Variants in ADGRL2 observed in about 807,000 individuals in gnomAD.
The protein encoded by ADGRL2 is adhesion G protein-coupled receptor L2, also known as calcium-independent alpha-latrotoxin receptor 2.
A neutral mutation model predicts 157.4 loss-of-function variants in ADGRL2; 44 were observed. That is an observed-to-expected ratio of 0.28 (90% CI 0.22 to 0.36). ADGRL2 has a LOEUF of 0.36. Among genes scored for constraint, ADGRL2 ranks in the 10% least tolerant of loss-of-function variants. ADGRL2 has a pLI of 1.00. For synonymous variants in ADGRL2, 585 were observed against 624.7 expected, an observed-to-expected ratio of 0.94 and a Z score of 0.95; for missense variants, 1,510 against 1,768.9, an observed-to-expected ratio of 0.85 and a Z score of 2.63.
chr1:81,330,680 ATACT>A (rs1164024558), intron 1 of ADGRL2, among the ~76,000 whole-genome samples: 1 of 152,178 alleles, frequency 6.6e-6, no homozygotes, highest in Non-Finnish European at 1.5e-5. Flanking sequence ...AACACATGGC[ATACT>A]TAATCACCAT....
chr1:81,356,825 A>T (rs112597439), intron 1 of ADGRL2, among the ~76,000 whole-genome samples: 2 of 151,382 alleles, frequency 1.3e-5, no homozygotes, highest in African/African-American at 2.4e-5. Flanking sequence ...TGGTGGTGGG[A>T]GCCTGTAGTC....
At chr1:81,334,058 C>T (rs1446930528) in intron 1 of ADGRL2, among the ~76,000 whole-genome samples, 2 of 152,190 alleles carry the variant, frequency 1.3e-5, no homozygotes, top group Non-Finnish European at 1.5e-5. Flanking sequence ...AGAAATAAAA[C>T]AAATAATCCA....
intron 1 of ADGRL2, among the ~76,000 whole-genome samples, chr1:81,803,421 T>TC (rs2088612412): frequency 6.6e-6 from 1 of 151,880 alleles, no homozygotes; most frequent in Non-Finnish European, 1.5e-5. Context: ...TGTCGCTGAG[T>TC]GGAGGCTTTT....
chr1:81,630,065 T>C (rs1416197932), intron 3 of ADGRL2, among the ~76,000 whole-genome samples: 1 of 152,040 alleles, frequency 6.6e-6, no homozygotes, highest in Non-Finnish European at 1.5e-5. Flanking sequence ...CACATAGACA[T>C]ATATAATACA....
At chr1:81,461,868 A>T (rs2077935611) in intron 2 of ADGRL2, among the ~76,000 whole-genome samples, 1 of 148,776 alleles carries the variant, frequency 6.7e-6, no homozygotes, top group East Asian at 2.1e-4. Context: ...GCCAGTAGGC[A>T]AGAATTCTTC....
intron 1 of ADGRL2, among the ~76,000 whole-genome samples, chr1:81,322,074 T>C (rs1660539968): frequency 8.9e-6 from 1 of 112,082 alleles, no homozygotes; most frequent in African/African-American, 3.2e-5. Flanking sequence ...TCCTTAAATG[T>C]ACAGGACTAA....
intron 2 of ADGRL2, 53 bp downstream of exon 2, chr1:81,837,110 C>T (rs913257028): frequency 6.1e-6 from 6 of 981,132 alleles, no homozygotes; most frequent in African/African-American, 1.7e-5. Context: ...TTGAACTATA[C>T]AATCTTCTTA....
chr1:81,475,787 A>G (rs866017356), intron 2 of ADGRL2, among the ~76,000 whole-genome samples: 11 of 152,170 alleles, frequency 7.2e-5, no homozygotes, highest in Admixed American at 2.0e-4. Context: ...ATTGCTGACA[A>G]CTCAAGTGTC....
intron 1 of ADGRL2, among the ~76,000 whole-genome samples, chr1:81,366,550 T>C (rs11163262): frequency 0.51 from 77,425 of 151,966 alleles, 21,753 homozygotes; most frequent in East Asian, 0.72. Context: ...CCCAGGATCA[T>C]ATACTCCTTA....
chr1:81,498,107 A>G (rs1483153626), intron 2 of ADGRL2, among the ~76,000 whole-genome samples: 1 of 152,206 alleles, frequency 6.6e-6, no homozygotes, highest in African/African-American at 2.4e-5. Context: ...ACTGTGAAGG[A>G]CTATTCCATT....
intron 2 of ADGRL2, among the ~76,000 whole-genome samples, chr1:81,527,255 A>C (rs2079481287): frequency 6.6e-6 from 1 of 152,140 alleles, no homozygotes; most frequent in African/African-American, 2.4e-5. Context: ...AGTTTCCCTC[A>C]TCACAAAGTG....
chr1:81,345,292 G>A (rs1662397982), intron 1 of ADGRL2, among the ~76,000 whole-genome samples: 1 of 152,150 alleles, frequency 6.6e-6, no homozygotes, highest in Non-Finnish European at 1.5e-5. Context: ...TCCAAGCCTA[G>A]GCTGCATTCT....
intron 11 of ADGRL2, 96 bp from the exon 12 acceptor site, chr1:81,965,962 G>C: frequency 7.9e-7 from 1 of 1,263,594 alleles, no homozygotes; most frequent in Non-Finnish European, 1.1e-6. Context: ...TAGGCAAAAA[G>C]AAAACAGTAG....
intron 1 of ADGRL2, among the ~76,000 whole-genome samples, chr1:81,363,420 A>G (rs1160070117): frequency 6.6e-6 from 1 of 152,100 alleles, no homozygotes; most frequent in East Asian, 1.9e-4. Flanking sequence ...AAAGTTTGAC[A>G]ATTAAAAAAA....
intron 2 of ADGRL2, among the ~76,000 whole-genome samples, chr1:81,447,656 G>A (rs943412383): frequency 6.6e-6 from 1 of 152,058 alleles, no homozygotes; most frequent in Non-Finnish European, 1.5e-5. Flanking sequence ...GGACCTCAAA[G>A]AAAAAGGCTG....
At chr1:81,715,032 A>G (rs1048607110) in intron 1 of ADGRL2, among the ~76,000 whole-genome samples, 4 of 151,442 alleles carry the variant, frequency 2.6e-5, no homozygotes, top group African/African-American at 7.3e-5. Context: ...TTCTGCTCTA[A>G]TTTTTTCTTT....
At chr1:81,907,358 T>C in intron 3 of ADGRL2, 128 bp downstream of exon 3, 1 of 685,976 alleles carries the variant, frequency 1.5e-6, no homozygotes, top group Non-Finnish European at 2.5e-6. Context: ...GTTGGGTTTT[T>C]ACCTACTAAT....
intron 3 of ADGRL2, among the ~76,000 whole-genome samples, chr1:81,678,280 A>G (rs2148943641): frequency 6.6e-6 from 1 of 152,360 alleles, no homozygotes; most frequent in Middle Eastern, 3.4e-3. Context: ...GAGAACAACA[A>G]AAAAATCGAT....
At position 81,555,483 on chromosome 1, in the gene ADGRL2, G is replaced by C. The variant is rs181797426; in HGVS notation, c.-247-25393G>C. On this transcript the variant is annotated intron_variant, in intron 2 of 24. Transcript: ENST00000370721. ...GGTGTTTCACCATATTGGCCAGTCT[G>C]GTCTCAAACTCTTGGTCTCAAGTGA... 3.9e-3 allele frequency among the ~76,000 whole-genome samples: 595 copies of C among 152,038 alleles called. 1 individual carries two copies. Among genetic ancestry groups the C allele is most frequent in the African/African-American group, 0.014 (565 of 41,484 alleles).
Sources: allele counts gnomAD v4.1 joint callset (sites outside exome capture counted in the v4.1 genomes callset), GRCh38; gene constraint gnomAD v4.1.1; transcripts MANE v1.5; gene names NCBI Gene and HGNC (gene_info 2026-07-23, HGNC 2026-07-21).